Variants in PHACTR2 observed in about 807,000 individuals in gnomAD.
The protein encoded by PHACTR2 is chromosome 6 open reading frame 56.
Under a neutral mutation model 76.0 loss-of-function variants are expected in PHACTR2, and 30 were observed. The observed-to-expected ratio is 0.39, with a 90% CI of 0.30 to 0.54. The LOEUF (loss-of-function observed/expected upper bound fraction) is 0.54, where lower values mean the gene tolerates loss of function less well. Ranked by LOEUF, PHACTR2 falls within the 20% of genes least tolerant of loss-of-function variation. The pLI is 0.61. For synonymous variants in PHACTR2, 292 were observed against 292.5 expected (o/e 1.00, Z 0.02); for missense variants, 696 against 781.1 (o/e 0.89, Z 1.30).
chr6:143,626,998 T>A (rs1344807292), intron 1 of PHACTR2, among the ~76,000 whole-genome samples: 1 of 152,222 alleles, frequency 6.6e-6, no homozygotes, highest in Non-Finnish European at 1.5e-5. Context: ...AGTGCTTTCC[T>A]TTGCCAACTT....
chr6:143,789,282 A>C lies in PHACTR2; in HGVS notation c.1845+372A>C, dbSNP rs1582882849. The C allele has an allele frequency of 5.9e-6, 1 of 168,084 alleles. No individual in the cohort carries two copies. Among genetic ancestry groups the C allele is most frequent in the East Asian group, 1.5e-4 (1 of 6,756 alleles). 10.4% of individuals were successfully genotyped at this position (168,084 alleles called of 1,614,324 possible). A position where few individuals can be genotyped will look rare whatever the true frequency, so the allele number is the denominator to read the frequency against. ...GTCGAGACTGGCACACTTTTAATAG[A>C]AATGACAAGACAGCAAATAGTTTAG... On this transcript the variant is annotated intron_variant, in intron 11 of 12. Coordinates refer to ENST00000440869, the MANE Select transcript of PHACTR2 (RefSeq NM_001100164.2). The surrounding 1 kb of genome is among the most constrained non-coding windows in gnomAD (Gnocchi z 5.1).
At position 143,760,187 on chromosome 6, in the gene PHACTR2, T is replaced by A. The variant is rs1358694236; in HGVS notation, c.455-214T>A. 6.6e-6 allele frequency among the ~76,000 whole-genome samples: 1 copy of A among 152,204 alleles called. No homozygotes were observed. Among genetic ancestry groups the A allele is most frequent in the Non-Finnish European group, 1.5e-5 (1 of 68,024 alleles). On this transcript the variant is annotated intron_variant, in intron 4 of 12. Transcript: ENST00000440869. The surrounding 1 kb of genome is among the most constrained non-coding windows in gnomAD (Gnocchi z 6.4). ...AAGTAGTTTGTATAACCCGGTTTTA[T>A]TAAAGGGTGATTCGTGTACCCTGAG...
rs1342955264 is a variant in PHACTR2 at position 143,541,575 on chromosome 6, A to ATT, written c.217+4368_217+4369insTT. Among the ~76,000 whole-genome samples the ATT allele has an allele frequency of 6.6e-5, 10 of 152,270 alleles. 1 individual carries two copies. Among genetic ancestry groups the ATT allele is most frequent in the Middle Eastern group, 6.8e-3 (2 of 294 alleles). ...GCAAGTACAATCTCATCTTTTTATT[A>ATT]CTGTGATTCATCTCTTCAGTATCCC... On this transcript the variant is annotated intron_variant, in intron 1 of 11. Transcript: ENST00000367584. The surrounding 1 kb of genome is among the most constrained non-coding windows in gnomAD (Gnocchi z 5.3).
intron 1 of PHACTR2, among the ~76,000 whole-genome samples, chr6:143,630,278 G>A (rs1459624468): frequency 6.7e-6 from 1 of 150,150 alleles, no homozygotes; most frequent in African/African-American, 2.4e-5. Context: ...AACAAAGTAT[G>A]TCTAGAAAGC....
In PHACTR2 at chr6:143,597,126, C is replaced by G. The variant is rs1422381979; in HGVS notation, c.217+59919C>G. On this transcript the variant is annotated intron_variant, in intron 1 of 11. Coordinates refer to the PHACTR2 transcript ENST00000367584. The surrounding 1 kb of genome is among the most constrained non-coding windows in gnomAD (Gnocchi z 5.7). Reference sequence around the variant, plus strand: ...ATTTTCCCCTCTGTGTTCTCACGCTCCACACTGTGGAAGAACACATTCTCT... The same window carrying G: ...ATTTTCCCCTCTGTGTTCTCACGCTGCACACTGTGGAAGAACACATTCTCT... Among the ~76,000 whole-genome samples the G allele has an allele frequency of 6.6e-6, 1 of 152,180 alleles. No individual in the cohort carries two copies. Among genetic ancestry groups the G allele is most frequent in the Non-Finnish European group, 1.5e-5 (1 of 68,040 alleles).
rs528735628 is a variant in PHACTR2, at chr6:143,570,713, G to GC, written c.217+33508dup. Among the ~76,000 whole-genome samples the GC allele has an allele frequency of 4.5e-4, 69 of 152,194 alleles. No individual in the cohort carries two copies. Among genetic ancestry groups the GC allele is most frequent in the African/African-American group, 1.1e-3 (45 of 41,502 alleles). ...ATCAGTCCTTTGCACAGCAGCCATG[G>GC]CCAGCGTGAGGTGCATGTGCAAGTG... On this transcript the variant is annotated intron_variant, in intron 1 of 11. Transcript: ENST00000367584. This position sits in a 1 kb window ranked among gnomAD's most constrained non-coding sequence, Gnocchi z 4.6.
intron 1 of PHACTR2, among the ~76,000 whole-genome samples, chr6:143,699,876 G>A (rs1345808475): frequency 1.3e-5 from 2 of 152,128 alleles, no homozygotes; most frequent in Non-Finnish European, 2.9e-5. Flanking sequence ...GTAAATCTGG[G>A]AGCCTTGGGG....
Position 143,719,744 on chromosome 6 carries a change from T to C in PHACTR2, c.214+7561T>C, listed in dbSNP as rs141457456. Among the ~76,000 whole-genome samples the C allele has an allele frequency of 5.4e-4, 82 of 151,376 alleles. 1 individual carries two copies. Among genetic ancestry groups the C allele is most frequent in the African/African-American group, 1.9e-3 (80 of 41,238 alleles). The stretch of plus-strand genomic sequence containing the variant: ...CCCAATTTACTGTGTCAGGGAGAAG[T>C]TACGTAACCAGCCAAAGGCCACACA... On this transcript the variant is annotated intron_variant, in intron 2 of 12. Transcript: ENST00000440869.
At chr6:143,687,987 C>A (rs1777559225) in intron 1 of PHACTR2, among the ~76,000 whole-genome samples, 1 of 152,084 alleles carries the variant, frequency 6.6e-6, no homozygotes, top group Non-Finnish European at 1.5e-5. Flanking sequence ...AGACCCTGCC[C>A]ACAAAGCGTC....
At chr6:143,655,764 T>G (rs772339031) in intron 1 of PHACTR2, among the ~76,000 whole-genome samples, 92 of 152,234 alleles carry the variant, frequency 6.0e-4, no homozygotes, top group Non-Finnish European at 8.1e-4. Context: ...ACTTTGCACC[T>G]ATTACCACAT....
chr6:143,729,561 A>G (rs1582818468), intron 2 of PHACTR2, among the ~76,000 whole-genome samples: 1 of 152,270 alleles, frequency 6.6e-6, no homozygotes, highest in East Asian at 1.9e-4. Context: ...GTAAATGTCT[A>G]GTTATTTCAA....
chr6:143,771,190 GTGTGTATATATATATATATATATA>G lies in PHACTR2; in HGVS notation c.1233-1066_1233-1043del, dbSNP rs1562300815. Among the ~76,000 whole-genome samples the G allele has an allele frequency of 4.1e-3, 91 of 22,458 alleles. 7 individuals are homozygous for G. Among genetic ancestry groups the G allele is most frequent in the African/African-American group, 0.022 (88 of 3,936 alleles). The allele number at this position is 22,458 out of a possible 152,430, so 14.7% of individuals were successfully genotyped here. A position where few individuals can be genotyped will look rare whatever the true frequency, so the allele number is the denominator to read the frequency against. ...TATATATATGTATATATATATATAT[GTGTGTATATATATATATATATATA>G]TATATATATATATATATATATGCTT... On this transcript the variant is annotated intron_variant, in intron 6 of 12. Coordinates refer to ENST00000440869, the MANE Select transcript of PHACTR2 (RefSeq NM_001100164.2).
In PHACTR2 at chr6:143,581,624, G is replaced by A. The variant is rs1256422339; in HGVS notation, c.217+44417G>A. ...AAATACGGATCACTCAAGTCCAGGA[G>A]TTTGAGACCAGGCTGGGCAACATGA... On this transcript the variant is annotated intron_variant, in intron 1 of 11. Coordinates refer to the PHACTR2 transcript ENST00000367584. This position sits in a 1 kb window ranked among gnomAD's most constrained non-coding sequence, Gnocchi z 4.5. 6.6e-6 allele frequency among the ~76,000 whole-genome samples: 1 copy of A among 152,166 alleles called. No individual in the cohort carries two copies. The highest frequency in any genetic ancestry group is 2.4e-5 in the African/African-American group (1 of 41,414).
rs374609407 is a variant in PHACTR2, at chr6:143,774,056, C to T, written c.1433-3C>T. On this transcript the variant is annotated splice_polypyrimidine_tract_variant and splice_region_variant and intron_variant, in intron 7 of 12. Coordinates refer to ENST00000440869, the MANE Select transcript of PHACTR2 (RefSeq NM_001100164.2). This position sits in a 1 kb window ranked among gnomAD's most constrained non-coding sequence, Gnocchi z 5.4. ...TGCATTTCTGCTCTTTTTCAATCCT[C>T]AGGTGCTTTGGCAAGTAAAATACGC... The T allele has an allele frequency of 6.2e-7, 1 of 1,612,796 alleles. No homozygotes were observed. The highest frequency in any genetic ancestry group is 2.2e-5 in the East Asian group (1 of 44,864).
chr6:143,631,652 G>A lies in PHACTR2; in HGVS notation c.13+23330G>A, dbSNP rs115995240. On this transcript the variant is annotated intron_variant, in intron 1 of 11. Transcript: ENST00000305766. ...CATAAATTCAGCTGAATTCTTAACC[G>A]ATAATGTCCAGCTTCATTTTCAAAC... Among the ~76,000 whole-genome samples, 1,291 of 152,212 alleles carry A rather than the reference G, an allele frequency of 8.5e-3. 21 individuals carry two copies. The highest frequency in any genetic ancestry group is 0.03 in the African/African-American group (1,243 of 41,532).
At position 143,754,103 on chromosome 6, in the gene PHACTR2, A is replaced by G. The variant is rs1045274724; in HGVS notation, c.454+191A>G. Reference sequence around the variant, plus strand: ...TTTCTCAGGTAGATGCATCCATTTTATAAGCACAGTATTTGTTTTTTCAAT... The same window carrying G: ...TTTCTCAGGTAGATGCATCCATTTTGTAAGCACAGTATTTGTTTTTTCAAT... On this transcript the variant is annotated intron_variant, in intron 4 of 12. Transcript: ENST00000440869. The surrounding 1 kb of genome is among the most constrained non-coding windows in gnomAD (Gnocchi z 6.2). 3 of 403,192 alleles carry G rather than the reference A, an allele frequency of 7.4e-6. No homozygotes were observed. Among genetic ancestry groups the G allele is most frequent in the East Asian group, 3.8e-5 (1 of 26,412 alleles). 25.0% of individuals were successfully genotyped at this position (403,192 alleles called of 1,614,324 possible).
At chr6:143,630,504 A>G (rs536564925) in intron 1 of PHACTR2, among the ~76,000 whole-genome samples, 79 of 152,284 alleles carry the variant, frequency 5.2e-4, no homozygotes, top group Admixed American at 7.8e-4. Flanking sequence ...GATAACTGTT[A>G]TTGACTCAGT....
intron 10 of PHACTR2, among the ~76,000 whole-genome samples, chr6:143,788,323 A>C (rs1775599670): frequency 2.0e-5 from 3 of 152,172 alleles, no homozygotes; most frequent in Admixed American, 1.3e-4. Context: ...AACTTTGTAC[A>C]TTTCTGAGTG....
intron 1 of PHACTR2, among the ~76,000 whole-genome samples, chr6:143,587,797 T>C (rs1339727932): frequency 1.3e-5 from 2 of 152,078 alleles, no homozygotes; most frequent in Non-Finnish European, 2.9e-5. Flanking sequence ...GCGGATCACC[T>C]GTGGTCAGGA....
Sources: allele counts gnomAD v4.1 joint callset (sites outside exome capture counted in the v4.1 genomes callset), GRCh38; gene constraint gnomAD v4.1.1; non-coding constraint Gnocchi (gnomAD v3.1); transcripts MANE v1.5; gene names NCBI Gene and HGNC (gene_info 2026-07-23, HGNC 2026-07-21).